The following GGNBP2 variants were observed in gnomAD, a reference collection of about 807,000 sequenced individuals.
GGNBP2 encodes the protein gametogenetin-binding protein 2.
A neutral mutation model predicts 85.9 loss-of-function variants in GGNBP2; 10 were observed. The ratio of observed to expected loss-of-function variants is 0.12; its 90% CI spans 0.07 to 0.20. The LOEUF (loss-of-function observed/expected upper bound fraction) is 0.20. Ranked by LOEUF, GGNBP2 falls within the 10% of genes least tolerant of loss-of-function variation. The probability of loss-of-function intolerance (pLI) is 1.00; values close to 1 mark genes in which losing one functional copy is unlikely to be tolerated. For missense variants in GGNBP2, 595 were observed against 857.8 expected, an observed-to-expected ratio of 0.69 and a Z score of 3.83; for synonymous variants, 287 against 285.7, an observed-to-expected ratio of 1.00 and a Z score of -0.05.
chr17:36,582,852 T>C (rs1285340851), intron 9 of GGNBP2, among the ~76,000 whole-genome samples: 1 of 152,166 alleles, frequency 6.6e-6, no homozygotes, highest in Non-Finnish European at 1.5e-5. Flanking sequence ...CAATGAGCTT[T>C]TGTTTATGTG....
chr17:36,552,197 A>G (rs1437090168), intron 2 of GGNBP2, among the ~76,000 whole-genome samples: 1 of 152,226 alleles, frequency 6.6e-6, no homozygotes, highest in Non-Finnish European at 1.5e-5. Context: ...ACATGGCTCT[A>G]AAAGTTTATA....
In GGNBP2 at chr17:36,567,750, A is replaced by G. The variant is rs1050338901; in HGVS notation, c.615A>G (p.Thr205=). ...VLIDSSCLLE[T]LETYLRKHRF... is the part of the protein sequence containing the mutation. ...TTGACTCGAGTTGTCTTTTAGAAAC[A>G]CTAGAAACATATCTGCGAAAACACA... The change falls in exon 6 of 14, where the codon ACA becomes ACG. Residue 205 remains threonine, a synonymous_variant. Transcript: ENST00000613102. 14 of 1,597,174 alleles carry G rather than the reference A, an allele frequency of 8.8e-6. No homozygotes were observed. In the South Asian group the frequency reaches 1.3e-4, roughly 15 times the overall value.
intron 9 of GGNBP2, 58 bp from the exon 10 acceptor site, chr17:36,585,242 A>C: frequency 6.9e-7 from 1 of 1,439,038 alleles, no homozygotes; most frequent in South Asian, 1.2e-5. Flanking sequence ...TCTAGGGAAT[A>C]AAATGTAGCT....
chr17:36,574,983 G>A, intron 6 of GGNBP2: 1 of 1,522,586 alleles, frequency 6.6e-7, no homozygotes, highest in Non-Finnish European at 8.8e-7. Flanking sequence ...CTGGTGCGCT[G>A]GCCGGCACGG....
At position 36,557,098 on chromosome 17, in the gene GGNBP2, A is replaced by T; in HGVS notation, c.190A>T (p.Lys64Ter). ...CCTCTTTCAGCGACATGGTATGCTT[A>T]AGCAACAGGATCTAAGTATTGCCAT... ...KQFIQRHGML[K>*]QQDLSIAMVV... Residue 64 changes from lysine to a stop codon, truncating the protein, a stop_gained, in exon 4 of 14, where the codon AAG becomes TAG. Transcript: ENST00000613102. LOFTEE classifies it high-confidence loss of function. 1 of 1,614,142 alleles carries T rather than the reference A, an allele frequency of 6.2e-7. No individual in the cohort carries two copies. The highest frequency in any genetic ancestry group is 8.5e-7 in the Non-Finnish European group (1 of 1,180,028).
At chr17:36,548,071 T>A (rs2074271371) in intron 2 of GGNBP2, among the ~76,000 whole-genome samples, 1 of 152,236 alleles carries the variant, frequency 6.6e-6, no homozygotes, top group South Asian at 2.1e-4. Flanking sequence ...AGTGGATGCC[T>A]GAAGTTAACC....
intron 6 of GGNBP2, among the ~76,000 whole-genome samples, chr17:36,570,040 G>A (rs1009018909): frequency 6.6e-6 from 1 of 152,144 alleles, no homozygotes; most frequent in Non-Finnish European, 1.5e-5. Context: ...AATTGTAACT[G>A]TACAAGTTAG....
At position 36,589,073 on chromosome 17, in the gene GGNBP2, A is replaced by G. The variant is rs563905535; in HGVS notation, c.1891-135A>G. On this transcript the variant is annotated intron_variant, in intron 13 of 13. Coordinates refer to ENST00000613102, the MANE Select transcript of GGNBP2 (RefSeq NM_024835.5). ...GAATGACATGATGCTTATTCTGCAA[A>G]CACTCCAATTAAAGGCTTTATGTGA... The G allele has an allele frequency of 6.1e-6, 4 of 653,676 alleles. No homozygotes were observed. In the South Asian group the frequency reaches 7.3e-5, roughly 12 times the overall value. 40.5% of individuals were successfully genotyped at this position (653,676 alleles called of 1,614,324 possible). A position where few individuals can be genotyped will look rare whatever the true frequency, so the allele number is the denominator to read the frequency against.
At chr17:36,548,539 C>T (rs775640858) in intron 2 of GGNBP2, among the ~76,000 whole-genome samples, 5 of 134,428 alleles carry the variant, frequency 3.7e-5, no homozygotes, top group Admixed American at 8.6e-5. Context: ...CCTATGAACC[C>T]GGGAGGTGGA....
chr17:36,572,701 C>A (rs1315462631), intron 6 of GGNBP2, among the ~76,000 whole-genome samples: 1 of 151,972 alleles, frequency 6.6e-6, no homozygotes, highest in Non-Finnish European at 1.5e-5. Context: ...CTCAAAAAAC[C>A]GTGAAACATA....
At chr17:36,586,765 C>G in intron 12 of GGNBP2, 1 of 425,566 alleles carries the variant, frequency 2.3e-6, no homozygotes, top group South Asian at 2.7e-5. Flanking sequence ...ATTACAGGCG[C>G]ATGCCACCAT....
chr17:36,566,179 G>C (rs1049834234), intron 5 of GGNBP2, among the ~76,000 whole-genome samples: 2 of 152,172 alleles, frequency 1.3e-5, no homozygotes, highest in Non-Finnish European at 2.9e-5. Context: ...GAACAGACAG[G>C]AGCCAGTTGT....
chr17:36,579,879 C>T (rs1236299924), intron 8 of GGNBP2, among the ~76,000 whole-genome samples: 5 of 151,942 alleles, frequency 3.3e-5, no homozygotes, highest in Admixed American at 6.6e-5. Context: ...GGCGTGGTGG[C>T]GGGCACCTGT....
At chr17:36,546,322 G>A (rs952725325) in intron 2 of GGNBP2, 5 of 198,542 alleles carry the variant, frequency 2.5e-5, no homozygotes, top group Admixed American at 2.4e-4. Flanking sequence ...CACTAAAATG[G>A]TTTGATTTCG....
At chr17:36,573,621 G>A (rs767660753) in intron 6 of GGNBP2, among the ~76,000 whole-genome samples, 16 of 152,130 alleles carry the variant, frequency 1.1e-4, no homozygotes, top group Non-Finnish European at 1.6e-4. Flanking sequence ...CAGCTGTACC[G>A]TTTTATATTC....
chr17:36,582,672 G>A (rs968040455), intron 9 of GGNBP2, among the ~76,000 whole-genome samples: 22 of 152,146 alleles, frequency 1.4e-4, no homozygotes, highest in Admixed American at 1.4e-3. Flanking sequence ...GAATTTTAAT[G>A]TCATGTCTAT....
At position 36,557,256 on chromosome 17, in the gene GGNBP2, A is replaced by G. The variant is rs2074371429; in HGVS notation, c.348A>G (p.Val116=). 6.2e-7 allele frequency: 1 copy of G among 1,613,586 alleles called. No homozygotes were observed. Among genetic ancestry groups the G allele is most frequent in the South Asian group, 1.1e-5 (1 of 91,072 alleles). ...ATCCTGCTCTTGAACCCCTAACAGT[A>G]GGGCCCAAGGGAGTCCTGTCTGTAA... The part of the protein sequence containing the change: ...SGNPALEPLT[V]GPKGVLSVTR... Residue 116 remains valine, a synonymous_variant, in exon 4 of 14, where the codon GTA becomes GTG. Transcript: ENST00000613102.
intron 6 of GGNBP2, among the ~76,000 whole-genome samples, chr17:36,572,022 G>C (rs1325894779): frequency 6.6e-6 from 1 of 151,882 alleles, no homozygotes; most frequent in Non-Finnish European, 1.5e-5. Flanking sequence ...CTGCACTTCA[G>C]CCTGGGTGAC....
intron 9 of GGNBP2, among the ~76,000 whole-genome samples, chr17:36,584,209 C>A (rs1260373388): frequency 2.0e-5 from 3 of 152,246 alleles, no homozygotes; most frequent in African/African-American, 7.2e-5. Context: ...CAGTTTGTCT[C>A]TCATTTATTC....
Sources: allele counts gnomAD v4.1 joint callset (sites outside exome capture counted in the v4.1 genomes callset), GRCh38; gene constraint gnomAD v4.1.1; transcripts MANE v1.5; gene names NCBI Gene and HGNC (gene_info 2026-07-23, HGNC 2026-07-21).